RALGPS1: variants seen among roughly 807,000 people sequenced by gnomAD.
RALGPS1 encodes the protein Ral GEF with PH domain and SH3 binding motif 1.
In RALGPS1, 19 loss-of-function variants were observed where a neutral mutation model predicts 78.8. The ratio of observed to expected loss-of-function variants is 0.24; its 90% CI spans 0.17 to 0.35. The LOEUF (loss-of-function observed/expected upper bound fraction) is 0.35, where lower values mean the gene tolerates loss of function less well. Ranked by LOEUF, RALGPS1 falls within the 10% of genes least tolerant of loss-of-function variation. The pLI, the probability that RALGPS1 is intolerant of heterozygous loss-of-function variation, is 1.00. For synonymous variants in RALGPS1, 228 were observed against 256.3 expected, an observed-to-expected ratio of 0.89 and a Z score of 1.06; for missense variants, 454 against 688.3, an observed-to-expected ratio of 0.66 and a Z score of 3.81.
At chr9:126,973,364 T>A (rs949177790) in intron 3 of RALGPS1, among the ~76,000 whole-genome samples, 4 of 152,202 alleles carry the variant, frequency 2.6e-5, no homozygotes, top group Admixed American at 2.6e-4. Flanking sequence ...GGTAAGACAC[T>A]CTCTCTAAAA....
intron 4 of RALGPS1, among the ~76,000 whole-genome samples, chr9:126,979,370 G>A (rs889463889): frequency 6.6e-6 from 1 of 152,006 alleles, no homozygotes; most frequent in Admixed American, 6.6e-5. Context: ...TTGTTCTAAT[G>A]TGGTATGATC....
intron 8 of RALGPS1, among the ~76,000 whole-genome samples, chr9:127,107,430 A>G (rs566403790): frequency 1.6e-4 from 24 of 152,114 alleles, no homozygotes; most frequent in African/African-American, 5.1e-4. Flanking sequence ...TTTAGGAAGG[A>G]CTCCTTCCCA....
intron 4 of RALGPS1, among the ~76,000 whole-genome samples, chr9:127,001,958 G>A (rs566358816): frequency 1.9e-4 from 29 of 152,272 alleles, no homozygotes; most frequent in African/African-American, 6.0e-4. Flanking sequence ...ATGATAATCT[G>A]TTAAAGTCTA....
rs2062813537 is a variant in RALGPS1, at chr9:127,222,957, T to A, written c.*4188T>A. 1 of 152,674 alleles carries A rather than the reference T, an allele frequency of 6.5e-6. No homozygotes were observed. Among genetic ancestry groups the A allele is most frequent in the South Asian group, 2.1e-4 (1 of 4,838 alleles). 9.5% of individuals were successfully genotyped at this position (152,674 alleles called of 1,614,324 possible). A position where few individuals can be genotyped will look rare whatever the true frequency, so the allele number is the denominator to read the frequency against. On this transcript the variant is annotated 3_prime_UTR_variant, in exon 19 of 19. Transcript: ENST00000259351. ...GTGTAAGGACTTTCTCTAATTCTTG[T>A]GAATCGTCTCACCCGCAGTAACCAC...
chr9:127,016,697 G>A (rs914806893), intron 4 of RALGPS1: 2 of 152,172 alleles, frequency 1.3e-5, no homozygotes, highest in Non-Finnish European at 2.9e-5. Context: ...TTCAAGCGAT[G>A]GAGATATAAA....
chr9:127,007,979 G>C (rs2043997501), intron 4 of RALGPS1, among the ~76,000 whole-genome samples: 1 of 152,184 alleles, frequency 6.6e-6, no homozygotes, highest in African/African-American at 2.4e-5. Context: ...TGTGGTCTGT[G>C]TGAGGATAAT....
chr9:127,175,999 C>G (rs931917991), intron 11 of RALGPS1, among the ~76,000 whole-genome samples: 4 of 152,162 alleles, frequency 2.6e-5, no homozygotes, highest in Admixed American at 2.6e-4. Context: ...AGGCTCTGCC[C>G]TGATTCCCAG....
chr9:126,936,245 T>G (rs1355902219), intron 1 of RALGPS1, among the ~76,000 whole-genome samples: 1 of 152,206 alleles, frequency 6.6e-6, no homozygotes, highest in African/African-American at 2.4e-5. Flanking sequence ...TTAAGGACTC[T>G]TGGCCATGGA....
At chr9:127,011,387 C>G (rs566757352) in intron 4 of RALGPS1, among the ~76,000 whole-genome samples, 2 of 152,208 alleles carry the variant, frequency 1.3e-5, no homozygotes, top group Admixed American at 1.3e-4. Context: ...CCATGTTGGC[C>G]AGGCTGGTCT....
chr9:126,987,708 T>C (rs1220236952), intron 4 of RALGPS1, among the ~76,000 whole-genome samples: 1 of 152,132 alleles, frequency 6.6e-6, no homozygotes, highest in Non-Finnish European at 1.5e-5. Context: ...CTGCCAACAT[T>C]GTTCCATCCC....
chr9:126,997,515 A>G (rs1484035683), intron 4 of RALGPS1, among the ~76,000 whole-genome samples: 1 of 152,210 alleles, frequency 6.6e-6, no homozygotes, highest in Admixed American at 6.5e-5. Context: ...CAATGAAATA[A>G]AAGAGGATAC....
At chr9:127,071,082 AT>A (rs1223980268) in intron 8 of RALGPS1, among the ~76,000 whole-genome samples, 1 of 148,682 alleles carries the variant, frequency 6.7e-6, no homozygotes, top group African/African-American at 2.5e-5. Flanking sequence ...ATAACTAAAA[AT>A]ATACTAAAAC....
At chr9:126,919,010 G>T (rs894408582) in intron 1 of RALGPS1, among the ~76,000 whole-genome samples, 1 of 152,164 alleles carries the variant, frequency 6.6e-6, no homozygotes, top group Non-Finnish European at 1.5e-5. Flanking sequence ...GGAATAAGTT[G>T]TAAGTGTCTT....
At chr9:126,934,733 C>T (rs1194029188) in intron 1 of RALGPS1, among the ~76,000 whole-genome samples, 2 of 152,162 alleles carry the variant, frequency 1.3e-5, no homozygotes, top group Non-Finnish European at 2.9e-5. Context: ...CATGCTGTCA[C>T]CCTTGTGTTC....
chr9:127,054,996 TGAGAGAGAGAGAGAGAGAGAGAGAGA>T (rs10555826), intron 7 of RALGPS1, among the ~76,000 whole-genome samples: 16 of 139,112 alleles, frequency 1.2e-4, no homozygotes, highest in African/African-American at 3.0e-4. Context: ...AGAGATTGAT[TGAGAGAGAGAGAGAGAGAGAGAGAGA>T]GAGAGAGAGA....
chr9:126,991,824 C>T (rs751471218), intron 4 of RALGPS1, among the ~76,000 whole-genome samples: 2 of 152,178 alleles, frequency 1.3e-5, no homozygotes, highest in Non-Finnish European at 2.9e-5. Context: ...CAGAAACTCA[C>T]AAATTGTTTC....
chr9:126,989,796 T>A, intron 4 of RALGPS1: 1 of 1,490,456 alleles, frequency 6.7e-7, no homozygotes, highest in Non-Finnish European at 9.0e-7. Flanking sequence ...ACACTTACTC[T>A]AGAGGGATTC....
chr9:127,014,887 C>A (rs372971226), intron 4 of RALGPS1, among the ~76,000 whole-genome samples: 5 of 152,134 alleles, frequency 3.3e-5, no homozygotes, highest in Non-Finnish European at 7.3e-5. Context: ...CTGGAGTCTG[C>A]CATTTACTAC....
intron 8 of RALGPS1, among the ~76,000 whole-genome samples, chr9:127,089,871 T>C (rs1316119252): frequency 3.3e-5 from 5 of 152,198 alleles, no homozygotes; most frequent in African/African-American, 9.7e-5. Flanking sequence ...TCTGCCAGCA[T>C]TGCTCTTAGT....
Sources: allele counts gnomAD v4.1 joint callset (sites outside exome capture counted in the v4.1 genomes callset), GRCh38; gene constraint gnomAD v4.1.1; transcripts MANE v1.5; gene names NCBI Gene and HGNC (gene_info 2026-07-23, HGNC 2026-07-21).